The following NFIA variants were observed in gnomAD, a reference collection of about 807,000 sequenced individuals.
The protein encoded by NFIA is nuclear factor I A, also known as nuclear factor 1 A-type.
In NFIA, 8 loss-of-function variants were observed where a neutral mutation model predicts 62.8. The observed-to-expected ratio is 0.13, with a 90% CI of 0.07 to 0.23. The LOEUF (loss-of-function observed/expected upper bound fraction) is 0.23, where lower values mean the gene tolerates loss of function less well. Among genes scored for constraint, NFIA ranks in the 10% least tolerant of loss-of-function variants. The pLI, the probability that NFIA is intolerant of heterozygous loss-of-function variation, is 1.00. For missense variants in NFIA, 410 were observed against 642.1 expected (o/e 0.64, Z 3.91); for synonymous variants, 235 against 238.1 (o/e 0.99, Z 0.12).
chr1:61,308,155 A>G (rs1659902680), intron 3 of NFIA, among the ~76,000 whole-genome samples: 1 of 152,208 alleles, frequency 6.6e-6, no homozygotes, highest in Non-Finnish European at 1.5e-5. Flanking sequence ...TTAAGCTGGA[A>G]AAATGCAGTA....
chr1:61,255,176 CACAAA>C (rs565606679), intron 2 of NFIA, among the ~76,000 whole-genome samples: 1 of 152,138 alleles, frequency 6.6e-6, no homozygotes, highest in Non-Finnish European at 1.5e-5. Flanking sequence ...AAAAAGCACA[CACAAA>C]ACAAAACAAA....
At chr1:61,126,778 T>TCAGA (rs1646979817) in intron 2 of NFIA, among the ~76,000 whole-genome samples, 1 of 2,020 alleles carries the variant, frequency 5.0e-4, no homozygotes, top group Admixed American at 6.3e-3. Flanking sequence ...GTCAGATTCC[T>TCAGA]TTTTTTTTTT....
At chr1:61,260,437 A>G (rs1175298888) in intron 2 of NFIA, among the ~76,000 whole-genome samples, 1 of 152,198 alleles carries the variant, frequency 6.6e-6, no homozygotes, top group East Asian at 1.9e-4. Flanking sequence ...CTGGGTGAGG[A>G]CAGAGCTTGG....
intron 7 of NFIA, among the ~76,000 whole-genome samples, chr1:61,399,930 C>G (rs760621704): frequency 5.9e-5 from 9 of 152,356 alleles, no homozygotes; most frequent in South Asian, 2.1e-4. Context: ...TCTCCTTTCT[C>G]AGTCTTAATA....
At chr1:61,299,056 A>G (rs528748496) in intron 3 of NFIA, among the ~76,000 whole-genome samples, 1 of 152,244 alleles carries the variant, frequency 6.6e-6, no homozygotes, top group South Asian at 2.1e-4. Flanking sequence ...ATTGTATACT[A>G]GAGCTCTTTT....
chr1:61,411,260 A>C (rs1014439978), intron 9 of NFIA, among the ~76,000 whole-genome samples: 2 of 152,136 alleles, frequency 1.3e-5, no homozygotes, highest in Non-Finnish European at 2.9e-5. Context: ...TGGGGGAAAA[A>C]AAATCCTGTG....
intron 3 of NFIA, among the ~76,000 whole-genome samples, chr1:61,329,321 C>T (rs1382718097): frequency 6.6e-6 from 1 of 151,844 alleles, no homozygotes; most frequent in Non-Finnish European, 1.5e-5. Flanking sequence ...GCTGGGATTA[C>T]AGGTGGGAGC....
chr1:61,254,718 A>G (rs1656266852), intron 2 of NFIA, among the ~76,000 whole-genome samples: 1 of 152,250 alleles, frequency 6.6e-6, no homozygotes, highest in Non-Finnish European at 1.5e-5. Flanking sequence ...ACACCATTTT[A>G]TATTTTGGCA....
intron 2 of NFIA, among the ~76,000 whole-genome samples, chr1:61,093,981 G>C (rs1263379944): frequency 2.0e-5 from 3 of 152,202 alleles, no homozygotes; most frequent in African/African-American, 7.2e-5. Context: ...GAGGACACGG[G>C]ACAGCCTGTC....
chr1:61,447,255 A>G (rs1484622937), intron 10 of NFIA, among the ~76,000 whole-genome samples: 1 of 152,200 alleles, frequency 6.6e-6, no homozygotes, highest in Non-Finnish European at 1.5e-5. Context: ...TAAAGCCTGT[A>G]TTGTGTCTTC....
rs79974209 is a variant in NFIA at position 61,330,065 on chromosome 1, G to A, written c.626-2447G>A. 5.3e-3 allele frequency among the ~76,000 whole-genome samples: 803 copies of A among 152,288 alleles called. 7 individuals carry two copies. The highest frequency in any genetic ancestry group is 8.6e-3 in the Non-Finnish European group (585 of 68,024). ...CCAAAAAACTAGATGAGTGGCCGATGGTTCATTGAAATATGGAATTCAAAA... is the reference window on the plus strand; with the variant it reads ...CCAAAAAACTAGATGAGTGGCCGATAGTTCATTGAAATATGGAATTCAAAA... On this transcript the variant is annotated intron_variant, in intron 3 of 10. Coordinates refer to ENST00000403491, the MANE Select transcript of NFIA (RefSeq NM_001134673.4).
Position 61,172,431 on chromosome 1 carries a change from G to A in NFIA, c.559+83751G>A, listed in dbSNP as rs535547981. The stretch of plus-strand genomic sequence containing the variant: ...TATAATTGGTTTTAGGATAAAGCCA[G>A]CCTGTTGATGCATAACAGAGTTGAT... On this transcript the variant is annotated intron_variant, in intron 2 of 10. Transcript: ENST00000403491. 6.6e-5 allele frequency among the ~76,000 whole-genome samples: 10 copies of A among 152,322 alleles called. No homozygotes were observed. In the East Asian group the frequency reaches 1.9e-3, roughly 29 times the overall value.
At chr1:61,086,309 G>GT (rs1041158292) in intron 1 of NFIA, among the ~76,000 whole-genome samples, 3 of 152,104 alleles carry the variant, frequency 2.0e-5, no homozygotes, top group African/African-American at 7.2e-5. Context: ...TCAGAATTTA[G>GT]TAACGTTTAG....
chr1:61,138,621 C>T (rs2100501543), intron 2 of NFIA, among the ~76,000 whole-genome samples: 1 of 151,834 alleles, frequency 6.6e-6, no homozygotes, highest in South Asian at 2.1e-4. Context: ...TACTCTGTTT[C>T]CCAGGCTGGA....
At chr1:61,081,661 G>C, upstream of NFIA, 1 of 489,698 alleles carries the variant, frequency 2.0e-6, no homozygotes, top group South Asian at 2.1e-5. Flanking sequence ...AGTCCTGGGA[G>C]GGATAACGCT....
intron 2 of NFIA, among the ~76,000 whole-genome samples, chr1:61,204,414 G>A (rs1056394525): frequency 2.0e-5 from 3 of 152,206 alleles, no homozygotes; most frequent in Admixed American, 6.5e-5. Context: ...TGGATTTAGA[G>A]CATGGATGTA....
intron 10 of NFIA, among the ~76,000 whole-genome samples, chr1:61,449,410 C>T (rs1465228062): frequency 6.6e-6 from 1 of 152,240 alleles, no homozygotes; most frequent in Non-Finnish European, 1.5e-5. Context: ...CCTTAGATAG[C>T]CAGCTTGCCT....
At chr1:61,089,807 T>A (rs546915336) in intron 2 of NFIA, among the ~76,000 whole-genome samples, 1 of 151,286 alleles carries the variant, frequency 6.6e-6, no homozygotes, top group East Asian at 2.0e-4. Flanking sequence ...AGAAGCCAGC[T>A]GATAGCCTGT....
At chr1:61,226,905 C>T (rs1034255861) in intron 2 of NFIA, among the ~76,000 whole-genome samples, 1 of 152,180 alleles carries the variant, frequency 6.6e-6, no homozygotes, top group Non-Finnish European at 1.5e-5. Flanking sequence ...TTTAACCTCC[C>T]GGCTGCTTTT....
Sources: gnomAD v4.1 joint callset for allele counts (sites outside exome capture counted in the v4.1 genomes callset) on GRCh38, gnomAD v4.1.1 for gene constraint, MANE v1.5 for transcripts, NCBI Gene and HGNC (gene_info 2026-07-23, HGNC 2026-07-21) for gene names.